The following FGF10 variants were observed in gnomAD, a reference collection of about 807,000 sequenced individuals.
The protein encoded by FGF10 is FGF-10.
FGF10 carries 2 observed loss-of-function variants against 19.8 expected under a neutral mutation model. The observed-to-expected ratio is 0.10, with a 90% CI of 0.04 to 0.32. The LOEUF is 0.32. FGF10 is among the 10% of genes least tolerant of loss of function. The pLI is 1.00. For missense variants in FGF10, 191 were observed against 246.3 expected (o/e 0.78, Z 1.50); for synonymous variants, 112 against 94.0 (o/e 1.19, Z -1.10).
intron 1 of FGF10, among the ~76,000 whole-genome samples, chr5:44,357,286 G>A (rs188429263): frequency 2.6e-5 from 4 of 151,500 alleles, no homozygotes; most frequent in Admixed American, 2.6e-4. Context: ...AACCCTGAAA[G>A]ATCATGTTTT....
At chr5:44,310,739 T>C (rs1043484947) in intron 1 of FGF10, among the ~76,000 whole-genome samples, 2 of 152,080 alleles carry the variant, frequency 1.3e-5, no homozygotes, top group African/African-American at 4.8e-5. Flanking sequence ...TAGAAAAAAG[T>C]AATAAGGCTT....
intron 1 of FGF10, among the ~76,000 whole-genome samples, chr5:44,344,893 C>T (rs915286113): frequency 6.6e-6 from 1 of 150,568 alleles, no homozygotes; most frequent in East Asian, 1.9e-4. Context: ...TTCCCTGATT[C>T]AAGGCAATAA....
chr5:44,350,736 T>C (rs1193972512), intron 1 of FGF10, among the ~76,000 whole-genome samples: 3 of 151,090 alleles, frequency 2.0e-5, no homozygotes, highest in Admixed American at 6.6e-5. Flanking sequence ...CATCATTCAT[T>C]TCATGAAAAA....
intron 1 of FGF10, among the ~76,000 whole-genome samples, chr5:44,349,688 TAA>T (rs5867662): frequency 1.3e-5 from 2 of 148,414 alleles, no homozygotes; most frequent in South Asian, 2.1e-4. Flanking sequence ...CATAGAAAAC[TAA>T]AAAAACTCTT....
chr5:44,366,732 T>C (rs1200713848), intron 1 of FGF10, among the ~76,000 whole-genome samples: 2 of 152,044 alleles, frequency 1.3e-5, no homozygotes, highest in Non-Finnish European at 2.9e-5. Flanking sequence ...TTGGTTGAAA[T>C]TCATTGGAAA....
At chr5:44,325,463 T>C (rs1217731168) in intron 1 of FGF10, among the ~76,000 whole-genome samples, 5 of 151,844 alleles carry the variant, frequency 3.3e-5, no homozygotes, top group African/African-American at 4.8e-5. Context: ...CTATTCACAA[T>C]AGCAAAGACT....
At chr5:44,380,311 T>C (rs1374956251) in intron 1 of FGF10, among the ~76,000 whole-genome samples, 1 of 152,198 alleles carries the variant, frequency 6.6e-6, no homozygotes, top group Non-Finnish European at 1.5e-5. Context: ...TTAACATATG[T>C]CAATAGTCAG....
intron 1 of FGF10, among the ~76,000 whole-genome samples, chr5:44,335,269 A>C (rs1740821143): frequency 6.6e-6 from 1 of 152,070 alleles, no homozygotes; most frequent in Non-Finnish European, 1.5e-5. Flanking sequence ...GGTGAGAAGA[A>C]ATGACCTACT....
At chr5:44,339,657 T>C (rs895634848) in intron 1 of FGF10, among the ~76,000 whole-genome samples, 1 of 152,154 alleles carries the variant, frequency 6.6e-6, no homozygotes, top group African/African-American at 2.4e-5. Flanking sequence ...CTTTGAATGA[T>C]GTCTTCTTAT....
At chr5:44,360,531 T>G (rs756131223) in intron 1 of FGF10, among the ~76,000 whole-genome samples, 4 of 151,644 alleles carry the variant, frequency 2.6e-5, no homozygotes, top group Non-Finnish European at 5.9e-5. Flanking sequence ...TTCTCTAGAC[T>G]ACAGGCTTCC....
intron 1 of FGF10, among the ~76,000 whole-genome samples, chr5:44,377,931 T>G (rs1393221230): frequency 1.3e-5 from 2 of 152,244 alleles, no homozygotes; most frequent in Non-Finnish European, 2.9e-5. Context: ...TAGCCGTTGA[T>G]GTAGGTAATC....
chr5:44,340,600 C>A (rs918895892), intron 1 of FGF10, among the ~76,000 whole-genome samples: 12 of 151,882 alleles, frequency 7.9e-5, no homozygotes, highest in Non-Finnish European at 1.5e-4. Context: ...TCTGACAATA[C>A]TGACTTAAAT....
rs1429792460 is a variant in FGF10 at position 44,300,827 on chromosome 5, T to C, written c.*4168A>G. Among the ~76,000 whole-genome samples the C allele has an allele frequency of 1.3e-5, 2 of 152,112 alleles. No individual in the cohort carries two copies. The highest frequency in any genetic ancestry group is 3.9e-4 in the East Asian group (2 of 5,158). ...AGATTGGTCAATCACAATTCCCAAA[T>C]CTCTTATACTGATTGGTCTAGAGGT... On this transcript the variant is annotated 3_prime_UTR_variant, in exon 3 of 3. Transcript: ENST00000264664.
chr5:44,353,856 G>A (rs1741287888), intron 1 of FGF10, among the ~76,000 whole-genome samples: 1 of 151,380 alleles, frequency 6.6e-6, no homozygotes, highest in Admixed American at 6.6e-5. Flanking sequence ...TGAAAGAGTA[G>A]TTCCGGTTTA....
At chr5:44,323,126 C>T (rs1740536054) in intron 1 of FGF10, among the ~76,000 whole-genome samples, 1 of 152,140 alleles carries the variant, frequency 6.6e-6, no homozygotes, top group South Asian at 2.1e-4. Flanking sequence ...ATTACCAAGA[C>T]TGAAGTGGTT....
chr5:44,347,565 C>T (rs1471739183), intron 1 of FGF10, among the ~76,000 whole-genome samples: 1 of 151,656 alleles, frequency 6.6e-6, no homozygotes, highest in Non-Finnish European at 1.5e-5. Flanking sequence ...ATGCTTCGTC[C>T]CTGGCAAATC....
chr5:44,370,639 G>A (rs1433700489), intron 1 of FGF10, among the ~76,000 whole-genome samples: 4 of 152,076 alleles, frequency 2.6e-5, no homozygotes, highest in Non-Finnish European at 5.9e-5. Context: ...GTTTCAGTCA[G>A]CCTCAGCTCC....
rs188227027 is a variant in FGF10, at chr5:44,305,480, G to A, written c.430-288C>T. ...GAATATTATATGGTTTAAGTGCCTA[G>A]AGTGATTGTCAAGAAGTAGACATCT... is the stretch of plus-strand genomic sequence containing the variant. On this transcript the variant is annotated intron_variant, in intron 2 of 2. Coordinates refer to ENST00000264664, the MANE Select transcript of FGF10 (RefSeq NM_004465.2). Among the ~76,000 whole-genome samples, 10 of 152,258 alleles carry A rather than the reference G, an allele frequency of 6.6e-5. No homozygotes were observed. In the East Asian group the frequency reaches 1.9e-3, roughly 29 times the overall value.
chr5:44,316,665 A>T (rs1303097665), intron 1 of FGF10, among the ~76,000 whole-genome samples: 1 of 152,220 alleles, frequency 6.6e-6, no homozygotes, highest in Non-Finnish European at 1.5e-5. Flanking sequence ...AGGAATACAC[A>T]CAAGTAATAG....
Sources: allele counts gnomAD v4.1 joint callset (sites outside exome capture counted in the v4.1 genomes callset), GRCh38; gene constraint gnomAD v4.1.1; transcripts MANE v1.5; gene names NCBI Gene and HGNC (gene_info 2026-07-23, HGNC 2026-07-21).